SPATA24: variants seen among roughly 807,000 people sequenced by gnomAD.
SPATA24 encodes the protein spermatogenesis-associated protein 24.
Under a neutral mutation model 28.9 loss-of-function variants are expected in SPATA24, and 21 were observed. The ratio of observed to expected loss-of-function variants is 0.73; its 90% CI spans 0.52 to 1.05. SPATA24 has a LOEUF of 1.05. Among genes scored for constraint, SPATA24 ranks in the 50% least tolerant of loss-of-function variants. SPATA24 has a pLI of 0.00. For missense variants in SPATA24, 215 were observed against 242.9 expected, an observed-to-expected ratio of 0.88 and a Z score of 0.76; for synonymous variants, 76 against 89.9, an observed-to-expected ratio of 0.85 and a Z score of 0.88.
At chr5:139,394,843 T>C, downstream of SPATA24, 1 of 1,532,210 alleles carries the variant, frequency 6.5e-7, no homozygotes, top group Non-Finnish European at 8.8e-7. Flanking sequence ...CCCGTGCCGC[T>C]GGCGGCTATT....
intron 4 of SPATA24, 133 bp from the exon 5 acceptor site, chr5:139,397,276 C>G (rs377265190): frequency 6.9e-5 from 45 of 647,494 alleles, no homozygotes; most frequent in South Asian, 2.7e-4. Flanking sequence ...ACTGCTAATA[C>G]CTTAGTATGA....
downstream of SPATA24, chr5:139,394,156 G>A: frequency 1.9e-6 from 3 of 1,546,206 alleles, no homozygotes; most frequent in Non-Finnish European, 2.6e-6. Flanking sequence ...CGGGGCCTTG[G>A]CGGGGGCCGA....
chr5:139,394,104 G>A (rs748626913), downstream of SPATA24: 1 of 1,549,032 alleles, frequency 6.5e-7, no homozygotes, highest in Non-Finnish European at 8.7e-7. Flanking sequence ...GCGCAGGCTT[G>A]TCGCGCCGAA....
At chr5:139,401,655 C>T in intron 4 of SPATA24, 100 bp downstream of exon 4, 2 of 1,294,306 alleles carry the variant, frequency 1.5e-6, no homozygotes, top group South Asian at 2.5e-5. Context: ...CAGCTGGGGA[C>T]AGGTGTTAGA....
Position 139,402,696 on chromosome 5 carries a change from G to A in SPATA24, c.118-3C>T. On this transcript the variant is annotated splice_polypyrimidine_tract_variant and splice_region_variant and intron_variant, in intron 1 of 5. Transcript: ENST00000450845. ...AAATTTTCGTCCTGGAGAACCATCTGCAACAGAGCCTGGCTGAGGGAGGGC... is the reference window on the plus strand; with the variant it reads ...AAATTTTCGTCCTGGAGAACCATCTACAACAGAGCCTGGCTGAGGGAGGGC... 6.4e-7 allele frequency: 1 copy of A among 1,551,754 alleles called. No individual in the cohort carries two copies. Among genetic ancestry groups the A allele is most frequent in the Non-Finnish European group, 8.7e-7 (1 of 1,146,912 alleles).
chr5:139,401,933 T>G lies in SPATA24; in HGVS notation c.296A>C (p.Lys99Thr). Residue 99 changes from lysine (K) to threonine (T), a missense_variant, in exon 3 of 6, where the codon AAG (lysine) becomes ACG (threonine). By Grantham distance (78) the Lys-to-Thr change is moderately conservative. Coordinates refer to ENST00000450845, the MANE Select transcript of SPATA24 (RefSeq NM_194296.2). ...CACTCACGCTTTTTCAAAGGCCAGC[T>G]TCTCTTTCTCCAGCTGCTTGGATAG... ...EVLSKQLEKEKLAFEKALSSV... is the reference protein window; with the variant it reads ...EVLSKQLEKETLAFEKALSSV... The G allele has an allele frequency of 6.4e-7, 1 of 1,551,902 alleles. No individual in the cohort carries two copies.
intron 4 of SPATA24, chr5:139,401,461 A>G (rs1758819334): frequency 1.6e-6 from 1 of 618,616 alleles, no homozygotes; most frequent in East Asian, 2.7e-5. Flanking sequence ...GGAGTAACCC[A>G]TCAAAAGTGG....
chr5:139,392,923 G>C, downstream of SPATA24: 2 of 1,528,784 alleles, frequency 1.3e-6, no homozygotes, highest in Non-Finnish European at 1.8e-6. The surrounding 1 kb of genome is among the most constrained non-coding windows in gnomAD (Gnocchi z 5.8). Context: ...GCTGTTCTCT[G>C]CCCTCCGCCG....
intron 1 of SPATA24, 93 bp from the exon 2 acceptor site, chr5:139,402,786 C>G: frequency 1.1e-6 from 1 of 896,476 alleles, no homozygotes; most frequent in Non-Finnish European, 1.8e-6. Context: ...CAGGATGATG[C>G]TCGTGGTACC....
chr5:139,398,750 A>G (rs1319486403), intron 4 of SPATA24, among the ~76,000 whole-genome samples: 2 of 151,616 alleles, frequency 1.3e-5, no homozygotes, highest in Non-Finnish European at 1.5e-5. Flanking sequence ...GGGGCCAGGC[A>G]CAGTGGCTCA....
At chr5:139,396,734 G>T (rs768256185), downstream of SPATA24, 17 of 1,550,846 alleles carry the variant, frequency 1.1e-5, no homozygotes, top group Non-Finnish European at 1.4e-5. Context: ...AGAGGCTGGG[G>T]ACTCCCAGAG....
chr5:139,394,973 C>A (rs1423441390), downstream of SPATA24: 3 of 1,518,458 alleles, frequency 2.0e-6, no homozygotes, highest in Non-Finnish European at 1.8e-6. Flanking sequence ...GAACCTGGAG[C>A]CGTGTAGTAG....
chr5:139,392,878 A>G (rs1304944837), downstream of SPATA24: 2 of 1,544,576 alleles, frequency 1.3e-6, no homozygotes, highest in Non-Finnish European at 1.7e-6. This position sits in a 1 kb window ranked among gnomAD's most constrained non-coding sequence, Gnocchi z 5.8. Context: ...GGCCCCAGGC[A>G]GGCGGATCTC....
At chr5:139,402,077 C>G (rs1271766431) in intron 2 of SPATA24, 32 bp from the exon 3 acceptor site, 1 of 1,545,482 alleles carries the variant, frequency 6.5e-7, no homozygotes, top group African/African-American at 1.4e-5. Context: ...CCTCATTACC[C>G]TAGGCCGCCT....
downstream of SPATA24, chr5:139,394,691 C>A: frequency 6.5e-7 from 1 of 1,533,892 alleles, no homozygotes; most frequent in Non-Finnish European, 8.7e-7. Context: ...TGTTGTTGCG[C>A]CTCGCGATCG....
At chr5:139,395,908 C>T (rs1758695686), downstream of SPATA24, among the ~76,000 whole-genome samples, 1 of 152,368 alleles carries the variant, frequency 6.6e-6, no homozygotes, top group Non-Finnish European at 1.5e-5. Flanking sequence ...CAGAACAGCC[C>T]TGTGCTCCCC....
At chr5:139,392,606 CG>C (rs1471630737), downstream of SPATA24, 2 of 1,369,712 alleles carry the variant, frequency 1.5e-6, no homozygotes. This position sits in a 1 kb window ranked among gnomAD's most constrained non-coding sequence, Gnocchi z 5.8. Context: ...GCCGCGGGCT[CG>C]GGGGCCGTAG....
chr5:139,398,108 A>T (rs2152078209), intron 4 of SPATA24, among the ~76,000 whole-genome samples: 1 of 152,200 alleles, frequency 6.6e-6, no homozygotes, highest in East Asian at 1.9e-4. Context: ...CAGTCCAAAC[A>T]AACTTCCCGA....
At chr5:139,394,856 G>A, downstream of SPATA24, 2 of 1,530,708 alleles carry the variant, frequency 1.3e-6, no homozygotes, top group Non-Finnish European at 1.8e-6. Context: ...CGGCTATTCT[G>A]GGCGCTGACG....
Sources: allele counts gnomAD v4.1 joint callset (sites outside exome capture counted in the v4.1 genomes callset), GRCh38; gene constraint gnomAD v4.1.1; non-coding constraint Gnocchi (gnomAD v3.1); transcripts MANE v1.5; gene names NCBI Gene and HGNC (gene_info 2026-07-23, HGNC 2026-07-21).